LANCL1: variants seen among roughly 807,000 people sequenced by gnomAD.
LANCL1 encodes LanC like glutathione S-transferase 1.
LANCL1 carries 50 observed loss-of-function variants against 50.6 expected under a neutral mutation model. The ratio of observed to expected loss-of-function variants is 0.99; its 90% CI spans 0.79 to 1.25. The LOEUF (loss-of-function observed/expected upper bound fraction) is 1.25. Ranked by LOEUF, LANCL1 falls within the 50% of genes most tolerant of loss-of-function variation. The pLI, the probability that LANCL1 is intolerant of heterozygous loss-of-function variation, is 0.00. For synonymous variants in LANCL1, 188 were observed against 178.6 expected (o/e 1.05, Z -0.42); for missense variants, 532 against 480.7 (o/e 1.11, Z -1.00).
intron 9 of LANCL1, among the ~76,000 whole-genome samples, chr2:210,434,925 C>T (rs1692871205): frequency 6.6e-6 from 1 of 152,038 alleles, no homozygotes; most frequent in South Asian, 2.1e-4. Flanking sequence ...AAGTGTGAAT[C>T]TATCTACGTT....
chr2:210,448,228 G>A (rs1006465930), intron 4 of LANCL1, among the ~76,000 whole-genome samples: 1 of 152,300 alleles, frequency 6.6e-6, no homozygotes, highest in East Asian at 1.9e-4. Context: ...CACGGAAAGT[G>A]AACAACCTGC....
intron 4 of LANCL1, among the ~76,000 whole-genome samples, chr2:210,445,533 G>A (rs542434151): frequency 3.9e-5 from 6 of 151,968 alleles, no homozygotes; most frequent in South Asian, 2.1e-4. Flanking sequence ...AGTTGGGTTC[G>A]ATGATTACTA....
chr2:210,454,211 T>C (rs1398887092), intron 4 of LANCL1, among the ~76,000 whole-genome samples: 1 of 140,702 alleles, frequency 7.1e-6, no homozygotes, highest in East Asian at 2.1e-4. Flanking sequence ...AAGGGAGATA[T>C]GCATACATAC....
rs987049687 is a variant in LANCL1, at chr2:210,432,911, G to C, written c.*1576C>G. 1 of 152,456 alleles carries C rather than the reference G, an allele frequency of 6.6e-6. No homozygotes were observed. Among genetic ancestry groups the C allele is most frequent in the Non-Finnish European group, 1.5e-5 (1 of 68,048 alleles). The allele number at this position is 152,456 out of a possible 1,614,324, so 9.4% of individuals were successfully genotyped here. On this transcript the variant is annotated 3_prime_UTR_variant, in exon 10 of 10. Transcript: ENST00000450366. ...GCTGATCCTGGAAACTGAGCAGTGG[G>C]CTGCTTTTTAAATCCTACTGCCAGT...
chr2:210,471,043 T>A (rs1318730532), intron 3 of LANCL1, among the ~76,000 whole-genome samples: 3 of 34,114 alleles, frequency 8.8e-5, no homozygotes, highest in Non-Finnish European at 1.9e-4. Flanking sequence ...TCTTCTTTGA[T>A]TTTTTTTTTT....
chr2:210,452,994 T>C (rs1474140588), intron 4 of LANCL1, among the ~76,000 whole-genome samples: 1 of 152,204 alleles, frequency 6.6e-6, no homozygotes, highest in Non-Finnish European at 1.5e-5. Flanking sequence ...GTCAAATTTC[T>C]AGATTTTTCC....
chr2:210,456,488 T>A (rs1219604074), intron 3 of LANCL1, among the ~76,000 whole-genome samples: 1 of 152,060 alleles, frequency 6.6e-6, no homozygotes, highest in East Asian at 1.9e-4. Flanking sequence ...TCTTTCAAAG[T>A]GGCTTGGTGT....
intron 4 of LANCL1, among the ~76,000 whole-genome samples, chr2:210,449,186 G>C (rs1693436935): frequency 6.6e-6 from 1 of 152,166 alleles, no homozygotes; most frequent in African/African-American, 2.4e-5. Flanking sequence ...TGGGATGCAA[G>C]GCTGGTTCAA....
chr2:210,475,939 G>T (rs984473409), intron 2 of LANCL1, among the ~76,000 whole-genome samples: 1 of 152,100 alleles, frequency 6.6e-6, no homozygotes, highest in Admixed American at 6.5e-5. Context: ...TACCCTGAAC[G>T]CACTTGTGTA....
At chr2:210,449,617 C>A (rs1485611140) in intron 4 of LANCL1, among the ~76,000 whole-genome samples, 1 of 152,160 alleles carries the variant, frequency 6.6e-6, no homozygotes, top group Non-Finnish European at 1.5e-5. Context: ...TCATCTCAGC[C>A]CAAGATCTCC....
intron 3 of LANCL1, among the ~76,000 whole-genome samples, chr2:210,465,317 T>C (rs1274334758): frequency 6.6e-6 from 1 of 152,206 alleles, no homozygotes; most frequent in African/African-American, 2.4e-5. Context: ...ATGGGACACA[T>C]ACAAAGTGCC....
intron 3 of LANCL1, among the ~76,000 whole-genome samples, chr2:210,459,146 G>C (rs190471598): frequency 6.6e-6 from 1 of 152,014 alleles, no homozygotes; most frequent in South Asian, 2.1e-4. Flanking sequence ...GTAAAAATCT[G>C]CTCTAAACTG....
chr2:210,474,288 T>G (rs1200970325), intron 2 of LANCL1, among the ~76,000 whole-genome samples: 1 of 152,238 alleles, frequency 6.6e-6, no homozygotes, highest in African/African-American at 2.4e-5. Flanking sequence ...TCCTCCGTGT[T>G]CAACATTACA....
At chr2:210,461,772 A>C in intron 3 of LANCL1, among the ~76,000 whole-genome samples, 1 of 151,474 alleles carries the variant, frequency 6.6e-6, no homozygotes, top group East Asian at 1.9e-4. Flanking sequence ...GTGTGAGCTG[A>C]TCATCATTTC....
chr2:210,435,601 G>A (rs1692900493), intron 8 of LANCL1, 142 bp from the exon 9 acceptor site: 2 of 680,634 alleles, frequency 2.9e-6, no homozygotes, highest in African/African-American at 1.8e-5. Flanking sequence ...CAGAGAAAAG[G>A]ATGGTTTGAA....
intron 3 of LANCL1, among the ~76,000 whole-genome samples, chr2:210,471,320 C>T (rs997651590): frequency 4.6e-5 from 7 of 152,138 alleles, no homozygotes; most frequent in Non-Finnish European, 8.8e-5. Flanking sequence ...GCTGGGATTA[C>T]AGGTGTGAGC....
At chr2:210,454,620 A>G (rs1319401630) in intron 4 of LANCL1, among the ~76,000 whole-genome samples, 1 of 152,218 alleles carries the variant, frequency 6.6e-6, no homozygotes, top group Non-Finnish European at 1.5e-5. Flanking sequence ...ATTAAAGTCT[A>G]TTAGTACAAA....
intron 2 of LANCL1, among the ~76,000 whole-genome samples, chr2:210,473,554 A>G (rs1443877418): frequency 1.3e-5 from 2 of 152,214 alleles, no homozygotes; most frequent in African/African-American, 2.4e-5. Context: ...TAAGGATTGT[A>G]GAAATAAACC....
At chr2:210,463,812 T>C (rs1211826882) in intron 3 of LANCL1, among the ~76,000 whole-genome samples, 1 of 152,192 alleles carries the variant, frequency 6.6e-6, no homozygotes, top group Non-Finnish European at 1.5e-5. Context: ...CCCTCCTTTC[T>C]TTCCCACGGT....
Sources: allele counts gnomAD v4.1 joint callset (sites outside exome capture counted in the v4.1 genomes callset), GRCh38; gene constraint gnomAD v4.1.1; transcripts MANE v1.5; gene names NCBI Gene and HGNC (gene_info 2026-07-23, HGNC 2026-07-21).